PCDHGB4: variants seen among roughly 807,000 people sequenced by gnomAD.
PCDHGB4 encodes the protein protocadherin gamma subfamily B, 4.
PCDHGB4 carries 38 observed loss-of-function variants against 60.5 expected under a neutral mutation model. That is an observed-to-expected ratio of 0.63 (90% CI 0.48 to 0.82). PCDHGB4 has a LOEUF of 0.82. Among genes scored for constraint, PCDHGB4 ranks in the 40% least tolerant of loss-of-function variants. PCDHGB4 has a pLI of 0.00. For missense variants in PCDHGB4, 1,109 were observed against 1,209.6 expected, an observed-to-expected ratio of 0.92 and a Z score of 1.23; for synonymous variants, 456 against 509.7, an observed-to-expected ratio of 0.89 and a Z score of 1.42.
At position 141,394,369 on chromosome 5, in the gene PCDHGB4, C is replaced by T. The variant is rs183754735; in HGVS notation, c.2397+4088C>T. On this transcript the variant is annotated intron_variant, in intron 1 of 3. Transcript: ENST00000519479. Reference sequence around the variant, plus strand: ...ACCGGTGTCCTGTATGCGCTGCAATCTTTCGACTATGAGCAGATCCGAGAC... The same window carrying T: ...ACCGGTGTCCTGTATGCGCTGCAATTTTTCGACTATGAGCAGATCCGAGAC... 3.7e-5 allele frequency: 59 copies of T among 1,614,206 alleles called. No homozygotes were observed. Among genetic ancestry groups the T allele is most frequent in the Middle Eastern group, 1.6e-4 (1 of 6,062 alleles).
intron 1 of PCDHGB4, chr5:141,413,388 C>G (rs765673305): frequency 6.2e-7 from 1 of 1,613,894 alleles, no homozygotes; most frequent in African/African-American, 1.3e-5. Context: ...TCCGCATAGT[C>G]TCCAGAGGTA....
chr5:141,403,248 G>A lies in PCDHGB4; in HGVS notation c.2397+12967G>A, dbSNP rs778873368. 3.1e-6 allele frequency: 5 copies of A among 1,613,928 alleles called. No homozygotes were observed. The Admixed American group carries it at 6.7e-5, about 22-fold the overall frequency. On this transcript the variant is annotated intron_variant, in intron 1 of 3. Transcript: ENST00000519479. ...GACCGGGAGGAGCTCTGTGCTCAGA[G>A]CCCGCGGTGTCTGGTGAACTTTAAA...
intron 1 of PCDHGB4, chr5:141,414,287 C>G: frequency 6.2e-7 from 1 of 1,613,434 alleles, no homozygotes; most frequent in Non-Finnish European, 8.5e-7. Flanking sequence ...ACAGTCGTAG[C>G]CCTTTTAAAT....
chr5:141,421,715 T>G (rs756472123), intron 1 of PCDHGB4: 1 of 1,613,960 alleles, frequency 6.2e-7, no homozygotes, highest in Admixed American at 1.7e-5. Context: ...GATCCAGATG[T>G]GGGCGTGAAC....
intron 3 of PCDHGB4, 89 bp from the exon 4 acceptor site, chr5:141,510,858 T>C (rs992991460): frequency 5.8e-5 from 93 of 1,606,182 alleles, no homozygotes; most frequent in South Asian, 1.0e-4. Flanking sequence ...GGGTGCTGTA[T>C]AGGCATTCAT....
chr5:141,415,740 GTTTTTTTTTTTT>G lies in PCDHGB4; in HGVS notation c.2397+25480_2397+25491del, dbSNP rs57426385. ...TGAGTAGAATTTGATGTTTATTAAGGTTTTTTTTTTTTTTTTTTTTTTTTTTTTTTTTACTTT... is the reference window on the plus strand; with the variant it reads ...TGAGTAGAATTTGATGTTTATTAAGGTTTTTTTTTTTTTTTTTTTTACTTT... On this transcript the variant is annotated intron_variant, in intron 1 of 3. Transcript: ENST00000519479. The G allele has an allele frequency of 5.3e-4, 329 of 624,896 alleles. 2 individuals are homozygous for G. Among genetic ancestry groups the G allele is most frequent in the African/African-American group, 1.2e-3 (49 of 39,888 alleles). The allele number at this position is 624,896 out of a possible 1,614,324, so 38.7% of individuals were successfully genotyped here.
In PCDHGB4 at chr5:141,409,398, A is replaced by G. The variant is rs186373896; in HGVS notation, c.2397+19117A>G. On this transcript the variant is annotated intron_variant, in intron 1 of 3. Transcript: ENST00000519479. Reference sequence around the variant, plus strand: ...CCATTCAAGATTTATTCTTCTTCCAATAACTACTACAAACTGGTGACAGAT... The same window carrying G: ...CCATTCAAGATTTATTCTTCTTCCAGTAACTACTACAAACTGGTGACAGAT... 9.6e-5 allele frequency: 155 copies of G among 1,614,050 alleles called. No individual in the cohort carries two copies. In the African/African-American group the frequency reaches 1.5e-3, roughly 16 times the overall value.
intron 1 of PCDHGB4, chr5:141,416,339 A>T (rs2096016775): frequency 6.6e-6 from 1 of 152,218 alleles, no homozygotes; most frequent in African/African-American, 2.4e-5. Context: ...TCATTGCTCA[A>T]TAGGGATCCT....
intron 1 of PCDHGB4, chr5:141,399,474 C>T (rs1282833757): frequency 6.2e-7 from 1 of 1,614,032 alleles, no homozygotes; most frequent in South Asian, 1.1e-5. Flanking sequence ...CGGTTTTCCA[C>T]CAGGCGTCCT....
At chr5:141,460,368 G>A (rs1005554535) in intron 1 of PCDHGB4, among the ~76,000 whole-genome samples, 1 of 152,050 alleles carries the variant, frequency 6.6e-6, no homozygotes. Context: ...AAGTTTTATA[G>A]TTTTACCATT....
At chr5:141,421,587 G>T (rs758433133) in intron 1 of PCDHGB4, 6 of 1,613,900 alleles carry the variant, frequency 3.7e-6, no homozygotes, top group Non-Finnish European at 4.2e-6. Flanking sequence ...TTTACGGAGT[G>T]GAGGTGGAAA....
intron 2 of PCDHGB4, among the ~76,000 whole-genome samples, chr5:141,497,522 G>A (rs998999424): frequency 3.3e-5 from 5 of 150,848 alleles, no homozygotes; most frequent in African/African-American, 4.9e-5. Flanking sequence ...TAGTTAACTT[G>A]TGGAGGATGC....
At chr5:141,410,701 A>C in intron 1 of PCDHGB4, 2 of 1,471,660 alleles carry the variant, frequency 1.4e-6, no homozygotes, top group Non-Finnish European at 9.1e-7. Context: ...TTATTTTCAT[A>C]TCTAGAATCA....
At position 141,393,382 on chromosome 5, in the gene PCDHGB4, T is replaced by G. The variant is rs778957877; in HGVS notation, c.2397+3101T>G. ...GTGCAGACTGGAGACAATGGAGCCA[T>G]AAACCCAGAGCTGGTGCTGGAGCGC... On this transcript the variant is annotated intron_variant, in intron 1 of 3. Coordinates refer to ENST00000519479, the MANE Select transcript of PCDHGB4 (RefSeq NM_003736.4). The G allele has an allele frequency of 1.9e-6, 3 of 1,613,948 alleles. No individual in the cohort carries two copies. In the South Asian group the frequency reaches 3.3e-5, roughly 18 times the overall value.
At position 141,431,994 on chromosome 5, in the gene PCDHGB4, G is replaced by C; in HGVS notation, c.2397+41713G>C. ...TTAGTCACAGACATAGTCTTGGATA[G>C]GGAACAGGTTCCTAGCTACAACATC... is the stretch of plus-strand genomic sequence containing the variant. On this transcript the variant is annotated intron_variant, in intron 1 of 3. Coordinates refer to ENST00000519479, the MANE Select transcript of PCDHGB4 (RefSeq NM_003736.4). The surrounding 1 kb of genome is among the most constrained non-coding windows in gnomAD (Gnocchi z 4.8). 1.9e-6 allele frequency: 3 copies of C among 1,614,188 alleles called. 1 individual carries two copies. The highest frequency in any genetic ancestry group is 2.2e-5 in the South Asian group (2 of 91,082).
chr5:141,489,594 T>A lies in PCDHGB4; in HGVS notation c.2398-5213T>A. The A allele has an allele frequency of 2.5e-6, 4 of 1,614,076 alleles. No homozygotes were observed. Among genetic ancestry groups the A allele is most frequent in the Non-Finnish European group, 3.4e-6 (4 of 1,179,982 alleles). ...CTGAACACCCCCTGGAGCTAATCCG[T>A]GTAGAGGTAGAGATCCTGGATCTCA... On this transcript the variant is annotated intron_variant, in intron 1 of 3. Coordinates refer to ENST00000519479, the MANE Select transcript of PCDHGB4 (RefSeq NM_003736.4). This position sits in a 1 kb window ranked among gnomAD's most constrained non-coding sequence, Gnocchi z 4.5.
At chr5:141,449,101 G>A (rs1020443363) in intron 1 of PCDHGB4, among the ~76,000 whole-genome samples, 2 of 152,144 alleles carry the variant, frequency 1.3e-5, no homozygotes, top group African/African-American at 2.4e-5. Flanking sequence ...TACATATGCA[G>A]TATATCTTTG....
chr5:141,409,438 A>G (rs1459982502), intron 1 of PCDHGB4: 2 of 1,613,984 alleles, frequency 1.2e-6, no homozygotes, highest in Non-Finnish European at 1.7e-6. Flanking sequence ...CCCTGGACCG[A>G]GAGCAGACAC....
At chr5:141,426,657 A>G (rs1369635444) in intron 1 of PCDHGB4, 2 of 425,278 alleles carry the variant, frequency 4.7e-6, no homozygotes, top group Non-Finnish European at 9.7e-6. Flanking sequence ...GATAGAAGAT[A>G]TAAATGATAA....
Sources: gnomAD v4.1 joint callset for allele counts (sites outside exome capture counted in the v4.1 genomes callset) on GRCh38, gnomAD v4.1.1 for gene constraint, Gnocchi (gnomAD v3.1) non-coding constraint, MANE v1.5 for transcripts, NCBI Gene and HGNC (gene_info 2026-07-23, HGNC 2026-07-21) for gene names.